KATNAL2: variants seen among roughly 807,000 people sequenced by gnomAD.
KATNAL2 encodes katanin catalytic subunit A1 like 2, also known as katanin p60 ATPase-containing subunit A-like 2.
A neutral mutation model predicts 76.3 loss-of-function variants in KATNAL2; 52 were observed. That is an observed-to-expected ratio of 0.68 (90% CI 0.55 to 0.86). The LOEUF is 0.86. Ranked by LOEUF, KATNAL2 falls within the 40% of genes least tolerant of loss-of-function variation. The probability of loss-of-function intolerance (pLI) is 0.00; values close to 1 mark genes in which losing one functional copy is unlikely to be tolerated. For missense variants in KATNAL2, 660 were observed against 668.9 expected, an observed-to-expected ratio of 0.99 and a Z score of 0.15; for synonymous variants, 243 against 244.2, an observed-to-expected ratio of 1.00 and a Z score of 0.05.
chr18:47,034,417 TTGTC>T, intron 3 of KATNAL2: 1 of 1,614,084 alleles, frequency 6.2e-7, no homozygotes, highest in Non-Finnish European at 8.5e-7. Context: ...CCCCCCTTCC[TTGTC>T]TGTCTTGAAG....
intron 6 of KATNAL2, among the ~76,000 whole-genome samples, 178 bp from the exon 7 acceptor site, chr18:47,058,057 G>T (rs1406009273): frequency 6.6e-6 from 1 of 152,228 alleles, no homozygotes; most frequent in Non-Finnish European, 1.5e-5. Flanking sequence ...AGCCTGGAGG[G>T]TGTTAGGGCC....
intron 3 of KATNAL2, among the ~76,000 whole-genome samples, chr18:46,959,644 G>A (rs1033159689): frequency 4.6e-5 from 7 of 152,068 alleles, no homozygotes; most frequent in African/African-American, 1.4e-4. Context: ...CAAAACCTTC[G>A]CTCACTGCAA....
chr18:46,950,333 G>T (rs1232131211), intron 3 of KATNAL2, among the ~76,000 whole-genome samples: 1 of 152,144 alleles, frequency 6.6e-6, no homozygotes. Context: ...TGCTGAGTAG[G>T]GGTCTGGAGA....
intron 13 of KATNAL2, among the ~76,000 whole-genome samples, chr18:47,073,939 A>C (rs1159598783): frequency 1.3e-5 from 2 of 152,226 alleles, no homozygotes; most frequent in East Asian, 3.8e-4. Flanking sequence ...TTGGTCTAGC[A>C]GAGGCTCTTG....
chr18:47,049,979 C>T (rs1002754421), intron 4 of KATNAL2, among the ~76,000 whole-genome samples: 2 of 152,198 alleles, frequency 1.3e-5, no homozygotes, highest in African/African-American at 4.8e-5. Flanking sequence ...GCAATCCTCC[C>T]ACCTCAGCCT....
At chr18:46,943,597 C>T (rs866699490) in intron 1 of KATNAL2, among the ~76,000 whole-genome samples, 6 of 152,174 alleles carry the variant, frequency 3.9e-5, no homozygotes, top group African/African-American at 9.7e-5. Flanking sequence ...AATAATCCAC[C>T]CCCTGTTTAG....
chr18:46,961,292 G>A (rs904169098), intron 3 of KATNAL2, among the ~76,000 whole-genome samples: 1 of 152,108 alleles, frequency 6.6e-6, no homozygotes, highest in African/African-American at 2.4e-5. Flanking sequence ...GGGGCGGTGG[G>A]GGTGGGGGTG....
chr18:46,921,389 G>C (rs1287676677), intron 1 of KATNAL2, among the ~76,000 whole-genome samples: 1 of 152,214 alleles, frequency 6.6e-6, no homozygotes. Context: ...GCCTCCCAAA[G>C]TGCTGGGATT....
chr18:47,048,370 G>A (rs1262892857), intron 4 of KATNAL2, among the ~76,000 whole-genome samples: 8 of 152,186 alleles, frequency 5.3e-5, no homozygotes, highest in Non-Finnish European at 7.3e-5. Flanking sequence ...AGGGCAGGAG[G>A]CAGTTGACAA....
At chr18:47,083,548 G>GGT (rs1233733245) in intron 15 of KATNAL2, among the ~76,000 whole-genome samples, 1 of 152,176 alleles carries the variant, frequency 6.6e-6, no homozygotes, top group Non-Finnish European at 1.5e-5. Context: ...AGCAGTGACA[G>GGT]GTGTGCAGCC....
intron 13 of KATNAL2, among the ~76,000 whole-genome samples, chr18:47,073,181 A>C (rs1022753287): frequency 6.6e-6 from 1 of 152,140 alleles, no homozygotes; most frequent in African/African-American, 2.4e-5. Flanking sequence ...TATATTTTTT[A>C]AAATAAACAT....
chr18:47,031,222 C>G (rs1263368892), intron 3 of KATNAL2, among the ~76,000 whole-genome samples: 1 of 150,944 alleles, frequency 6.6e-6, no homozygotes, highest in Admixed American at 6.7e-5. Flanking sequence ...TTAAAATCTC[C>G]TCGGAAAGGC....
intron 15 of KATNAL2, among the ~76,000 whole-genome samples, chr18:47,085,441 A>C (rs2062727360): frequency 6.6e-6 from 1 of 152,200 alleles, no homozygotes; most frequent in South Asian, 2.1e-4. Context: ...AAGCTAATGC[A>C]AGACCACCAG....
At chr18:46,928,778 A>G (rs2058813648) in intron 1 of KATNAL2, among the ~76,000 whole-genome samples, 1 of 151,992 alleles carries the variant, frequency 6.6e-6, no homozygotes, top group South Asian at 2.1e-4. Flanking sequence ...CTCCCACCAG[A>G]AACAACTTTT....
intron 15 of KATNAL2, among the ~76,000 whole-genome samples, chr18:47,081,027 C>T (rs1340792097): frequency 6.7e-6 from 1 of 148,944 alleles, no homozygotes; most frequent in Non-Finnish European, 1.5e-5. Context: ...TCCTCCCTTT[C>T]CTTCCCTTCC....
chr18:47,034,106 G>A, intron 3 of KATNAL2: 1 of 1,614,230 alleles, frequency 6.2e-7, no homozygotes, highest in Non-Finnish European at 8.5e-7. Context: ...TCGTAGGTGA[G>A]GTATTTTTCA....
rs118099078 is a variant in KATNAL2 at position 46,944,368 on chromosome 18, C to T, written c.-509-1689C>T. Among the ~76,000 whole-genome samples, 1,293 of 152,084 alleles carry T rather than the reference C, an allele frequency of 8.5e-3. 7 individuals carry two copies. Among genetic ancestry groups the T allele is most frequent in the Non-Finnish European group, 0.012 (831 of 68,016 alleles). On this transcript the variant is annotated intron_variant, in intron 1 of 17. Coordinates refer to ENST00000683218, the MANE Select transcript of KATNAL2 (RefSeq NM_001387690.1). ...TAAAAATTAATACAAATAAAAAACG[C>T]GGTATAATGAGTATTAACACAGAGT...
In KATNAL2 at chr18:47,046,447, T is replaced by C. The variant is rs1569075329; in HGVS notation, c.52-10T>C. On this transcript the variant is annotated splice_polypyrimidine_tract_variant and intron_variant, in intron 3 of 17. Coordinates refer to ENST00000683218, the MANE Select transcript of KATNAL2 (RefSeq NM_001387690.1). ...TGTTGTCATCCTACCTAAATTTTCC[T>C]CTGTTCCAGTGCGAGATGAGGACAG... The C allele has an allele frequency of 1.3e-6, 2 of 1,533,810 alleles. No individual in the cohort carries two copies. The highest frequency in any genetic ancestry group is 1.7e-6 in the Non-Finnish European group (2 of 1,144,966).
rs549057515 is a variant in KATNAL2, at chr18:47,077,470, C to A, written c.1211+9C>A. The A allele has an allele frequency of 3.5e-5, 55 of 1,592,358 alleles. No individual in the cohort carries two copies. The East Asian group carries it at 9.2e-4, about 27-fold the overall frequency. ...GCTTCTAACCTGCCGTGGTAAGAGA[C>A]CAAGAGAGTAAATTTTGAATACATT... On this transcript the variant is annotated intron_variant, in intron 15 of 17. Transcript: ENST00000683218.
Sources: gnomAD v4.1 joint callset for allele counts (sites outside exome capture counted in the v4.1 genomes callset) on GRCh38, gnomAD v4.1.1 for gene constraint, MANE v1.5 for transcripts, NCBI Gene and HGNC (gene_info 2026-07-23, HGNC 2026-07-21) for gene names.